Variants in ZNF468 observed in about 807,000 individuals in gnomAD.
ZNF468 encodes zinc finger protein 468, also known as zinc finger protein ZNF468.
Under a neutral mutation model 7.2 loss-of-function variants are expected in ZNF468, and 8 were observed. The observed-to-expected ratio is 1.11, with a 90% CI of 0.65 to 2.01. The LOEUF (loss-of-function observed/expected upper bound fraction) is 2.01. Among genes scored for constraint, ZNF468 ranks in the 30% most tolerant of loss-of-function variants. The probability of loss-of-function intolerance (pLI) is 0.00; values close to 1 mark genes in which losing one functional copy is unlikely to be tolerated. For missense variants in ZNF468, 608 were observed against 626.5 expected, an observed-to-expected ratio of 0.97 and a Z score of 0.31; for synonymous variants, 218 against 214.4, an observed-to-expected ratio of 1.02 and a Z score of -0.15.
chr19:52,855,314 C>T (rs74176169), intron 1 of ZNF468, among the ~76,000 whole-genome samples: 14 of 152,092 alleles, frequency 9.2e-5, no homozygotes, highest in East Asian at 5.8e-4. Flanking sequence ...TGAGCCTAGA[C>T]CTGAAGGAGA....
rs73069441 is a variant in ZNF468, at chr19:52,853,896, G to A, written c.15+362C>T. 5 of 1,221,430 alleles carry A rather than the reference G, an allele frequency of 4.1e-6. No homozygotes were observed. The African/African-American group carries it at 4.6e-5, about 11-fold the overall frequency. The allele number at this position is 1,221,430 out of a possible 1,614,324, so 75.7% of individuals were successfully genotyped here. A position where few individuals can be genotyped will look rare whatever the true frequency, so the allele number is the denominator to read the frequency against. On this transcript the variant is annotated intron_variant, in intron 2 of 3. Coordinates refer to ENST00000595646, the MANE Select transcript of ZNF468 (RefSeq NM_001008801.2). ...CCACGTACTTCGTGCATATTAATACGTGACTCCCATTGGCAGCTGCTCCAA... is the reference window on the plus strand; with the variant it reads ...CCACGTACTTCGTGCATATTAATACATGACTCCCATTGGCAGCTGCTCCAA...
At chr19:52,847,528 A>G (rs780174559) in intron 3 of ZNF468, among the ~76,000 whole-genome samples, 31 of 151,516 alleles carry the variant, frequency 2.0e-4, no homozygotes, top group Non-Finnish European at 2.5e-4. Context: ...GTTGAGATAA[A>G]AGGAAGGCTT....
chr19:52,839,606 C>A lies in ZNF468; in HGVS notation c.*1119G>T. On this transcript the variant is annotated 3_prime_UTR_variant, in exon 4 of 4. Transcript: ENST00000595646. ...ACCTTGGACTGAAGACCCTTCCACA[C>A]TGATGACATTTGTAAGATTTCTGTC... 1.8e-6 allele frequency: 1 copy of A among 548,676 alleles called. No individual in the cohort carries two copies. The highest frequency in any genetic ancestry group is 3.7e-6 in the Non-Finnish European group (1 of 270,026). The allele number at this position is 548,676 out of a possible 1,614,324, so 34.0% of individuals were successfully genotyped here.
intron 2 of ZNF468, chr19:52,849,735 C>CAGAA (rs2063369891): frequency 8.8e-6 from 1 of 114,062 alleles, no homozygotes; most frequent in African/African-American, 3.5e-5. Context: ...AACTCCATCT[C>CAGAA]AAAAAAAAAA....
At chr19:52,850,401 G>A (rs2063377416) in intron 2 of ZNF468, among the ~76,000 whole-genome samples, 1 of 152,088 alleles carries the variant, frequency 6.6e-6, no homozygotes, top group Admixed American at 6.6e-5. Flanking sequence ...AAATCGCAAA[G>A]GACCCACGTG....
intron 2 of ZNF468, among the ~76,000 whole-genome samples, chr19:52,852,530 A>T (rs2063398646): frequency 6.6e-6 from 1 of 151,876 alleles, no homozygotes; most frequent in Non-Finnish European, 1.5e-5. Context: ...AAAAAAAATT[A>T]GCTGGGCATG....
intron 3 of ZNF468, among the ~76,000 whole-genome samples, chr19:52,844,046 G>A (rs1695720552): frequency 6.6e-6 from 1 of 152,168 alleles, no homozygotes; most frequent in South Asian, 2.1e-4. Flanking sequence ...TTTGAACCCA[G>A]GAGGCGGAGG....
In ZNF468 at chr19:52,841,140, C is replaced by T. The variant is rs764083905; in HGVS notation, c.1154G>A (p.Cys385Tyr). ...RLHTGEKPYK[C>Y]EECDKVFSRK... The stretch of plus-strand genomic sequence containing the variant: ...ACTGAAAACTTTGTCACACTCTTCA[C>T]ATTTGTAAGGTTTCTCTCCAGTATG... The change falls in exon 4 of 4, where the codon TGT becomes TAT. Residue 385 changes from cysteine to tyrosine, a missense_variant. Cys to Tyr is a radical substitution (Grantham distance 194). Coordinates refer to ENST00000595646, the MANE Select transcript of ZNF468 (RefSeq NM_001008801.2). The T allele has an allele frequency of 1.2e-6, 2 of 1,613,730 alleles. No homozygotes were observed. Among genetic ancestry groups the T allele is most frequent in the Admixed American group, 3.3e-5 (2 of 59,964 alleles).
rs757820380 is a variant in ZNF468, at chr19:52,854,305, G to A, written c.-33C>T. The A allele has an allele frequency of 6.2e-7, 1 of 1,613,378 alleles. No individual in the cohort carries two copies. Among genetic ancestry groups the A allele is most frequent in the Non-Finnish European group, 8.5e-7 (1 of 1,179,692 alleles). ...TCCTTTGCTTTCCTCTTCCTCTTCT[G>A]GGTTTCTTTCTCACGTACCAACAGT... On this transcript the variant is annotated 5_prime_UTR_variant, in exon 2 of 4. Coordinates refer to ENST00000595646, the MANE Select transcript of ZNF468 (RefSeq NM_001008801.2).
Position 52,842,108 on chromosome 19 carries a change from C to T in ZNF468, c.186G>A (p.Gly62=), listed in dbSNP as rs775701078. 8.1e-6 allele frequency: 13 copies of T among 1,602,376 alleles called. No individual in the cohort carries two copies. In the East Asian group the frequency reaches 2.9e-4, roughly 36 times the overall value. ...TGTGGATCACTTCTGTATTGCCTTG[C>T]CCTGTTGACGACAACGTCTTCAACA... The part of the protein sequence containing the change: ...KCMLKTLSST[G]QGNTEVIHTG... The change falls in exon 4 of 4, where the codon GGG becomes GGA. Residue 62 remains glycine (G), a synonymous_variant. Transcript: ENST00000595646.
chr19:52,851,303 G>A (rs1024511042), intron 2 of ZNF468, among the ~76,000 whole-genome samples: 5 of 151,656 alleles, frequency 3.3e-5, no homozygotes, highest in African/African-American at 1.2e-4. Context: ...AAAGCTGGGT[G>A]AGGTGGCTCA....
chr19:52,846,167 T>C (rs2063340673), intron 3 of ZNF468, among the ~76,000 whole-genome samples: 1 of 152,184 alleles, frequency 6.6e-6, no homozygotes, highest in African/African-American at 2.4e-5. Flanking sequence ...GAAATAATTC[T>C]GACATAAATA....
At chr19:52,855,176 T>A (rs1044896215) in intron 1 of ZNF468, among the ~76,000 whole-genome samples, 6 of 135,090 alleles carry the variant, frequency 4.4e-5, no homozygotes, top group African/African-American at 1.9e-4. Context: ...GAGAGTCTGT[T>A]TGAAAAAAAA....
At position 52,838,692 on chromosome 19, in the gene ZNF468, A is replaced by G. The variant is rs991668425; in HGVS notation, c.*2033T>C. On this transcript the variant is annotated 3_prime_UTR_variant, in exon 4 of 4. Transcript: ENST00000595646. ...CCAAAAATTAGTTGAATTTCCATAC[A>G]TTAACAATAAATAATTTTAAAAGAA... 2 of 152,202 alleles carry G rather than the reference A, an allele frequency of 1.3e-5. No individual in the cohort carries two copies. The highest frequency in any genetic ancestry group is 2.9e-5 in the Non-Finnish European group (2 of 68,038). 9.4% of individuals were successfully genotyped at this position (152,202 alleles called of 1,614,324 possible).
In ZNF468 at chr19:52,854,159, A is replaced by G. The variant is rs1000435756; in HGVS notation, c.15+99T>C. The G allele has an allele frequency of 8.7e-6, 14 of 1,604,786 alleles. No homozygotes were observed. The African/African-American group carries it at 1.7e-4, about 20-fold the overall frequency. ...AAGGCATAAGTGAGGGTGAGCAAAC[A>G]TGTCAGGCAGGTCATTCAGACCCAG... On this transcript the variant is annotated intron_variant, in intron 2 of 3. Transcript: ENST00000595646.
intron 2 of ZNF468, among the ~76,000 whole-genome samples, chr19:52,850,672 G>A (rs912217550): frequency 1.3e-5 from 2 of 151,930 alleles, no homozygotes; most frequent in Non-Finnish European, 2.9e-5. Flanking sequence ...GGCCGAGGTG[G>A]GCGGATCACG....
rs761619828 is a variant in ZNF468 at position 52,854,288 on chromosome 19, T to C, written c.-16A>G. 6.2e-7 allele frequency: 1 copy of C among 1,613,722 alleles called. No homozygotes were observed. Among genetic ancestry groups the C allele is most frequent in the Non-Finnish European group, 8.5e-7 (1 of 1,179,778 alleles). On this transcript the variant is annotated 5_prime_UTR_variant, in exon 2 of 4. Transcript: ENST00000595646. ...GAAGAGCCATCCCTGACTCCTTTGC[T>C]TTCCTCTTCCTCTTCTGGGTTTCTT...
Position 52,853,216 on chromosome 19 carries a change from C to G in ZNF468, c.15+1042G>C, listed in dbSNP as rs1042891018. ...TACACGTGTACGAGACTTGCTCTGACAGCTAACACAGAACTGACAGGAGTG... is the reference window on the plus strand; with the variant it reads ...TACACGTGTACGAGACTTGCTCTGAGAGCTAACACAGAACTGACAGGAGTG... On this transcript the variant is annotated intron_variant, in intron 2 of 3. Coordinates refer to ENST00000595646, the MANE Select transcript of ZNF468 (RefSeq NM_001008801.2). 3.3e-5 allele frequency among the ~76,000 whole-genome samples: 5 copies of G among 152,136 alleles called. No homozygotes were observed. The South Asian group carries it at 6.2e-4, about 19-fold the overall frequency.
chr19:52,844,719 A>G (rs2063329614), intron 3 of ZNF468, among the ~76,000 whole-genome samples: 1 of 152,070 alleles, frequency 6.6e-6, no homozygotes, highest in African/African-American at 2.4e-5. Context: ...TTGCATTTTT[A>G]GTAGAGATGG....
Sources: allele counts gnomAD v4.1 joint callset (sites outside exome capture counted in the v4.1 genomes callset), GRCh38; gene constraint gnomAD v4.1.1; transcripts MANE v1.5; gene names NCBI Gene and HGNC (gene_info 2026-07-23, HGNC 2026-07-21).